PIBF1: variants seen among roughly 807,000 people sequenced by gnomAD.
PIBF1 encodes the protein progesterone immunomodulatory binding factor 1.
In PIBF1, 90 loss-of-function variants were observed where a neutral mutation model predicts 112.5. That is an observed-to-expected ratio of 0.80 (90% CI 0.67 to 0.95). PIBF1 has a LOEUF of 0.95. Among genes scored for constraint, PIBF1 ranks in the 40% least tolerant of loss-of-function variants. The pLI is 0.00. For synonymous variants in PIBF1, 301 were observed against 288.6 expected (o/e 1.04, Z -0.44); for missense variants, 915 against 852.3 (o/e 1.07, Z -0.92).
In PIBF1 at chr13:72,844,139, G is replaced by A. The variant is rs562512251; in HGVS notation, c.1223+8771G>A. 1.1e-4 allele frequency among the ~76,000 whole-genome samples: 16 copies of A among 152,222 alleles called. 1 individual carries two copies. The highest frequency in any genetic ancestry group is 2.1e-4 in the South Asian group (1 of 4,818). ...TTATGAAGTTTAGGTATTAATAACC[G>A]TATTTTACAAGTAAGGTAATTGAGA... On this transcript the variant is annotated intron_variant, in intron 9 of 17. Coordinates refer to ENST00000326291, the MANE Select transcript of PIBF1 (RefSeq NM_006346.4).
chr13:72,883,940 A>G (rs967589552), intron 10 of PIBF1, among the ~76,000 whole-genome samples: 24 of 72,508 alleles, frequency 3.3e-4, no homozygotes, highest in Non-Finnish European at 5.9e-4. Context: ...ATATACGTAC[A>G]CACATACATA....
rs144607058 is a variant in PIBF1, at chr13:72,802,109, C to G, written c.672+4083C>G. ...ATGTTATACTAAGGCTTCCAGTCAA[C>G]AGTAGGCTATCTGTAGTTAAGTTTT... On this transcript the variant is annotated intron_variant, in intron 5 of 17. Transcript: ENST00000326291. Among the ~76,000 whole-genome samples, 862 of 152,160 alleles carry G rather than the reference C, an allele frequency of 5.7e-3. 6 individuals carry two copies. Among genetic ancestry groups the G allele is most frequent in the Middle Eastern group, 0.014 (4 of 294 alleles).
intron 16 of PIBF1, among the ~76,000 whole-genome samples, chr13:72,983,857 TA>T (rs533486944): frequency 0.017 from 2,572 of 151,590 alleles, 204 homozygotes; most frequent in Admixed American, 0.15. Flanking sequence ...GTCAGCATGC[TA>T]AAAAAAAACT....
chr13:72,975,228 T>C (rs2042990728), intron 16 of PIBF1, among the ~76,000 whole-genome samples: 1 of 151,990 alleles, frequency 6.6e-6, no homozygotes, highest in Non-Finnish European at 1.5e-5. Flanking sequence ...CTAACTTTTG[T>C]GTTTTTAATA....
intron 10 of PIBF1, among the ~76,000 whole-genome samples, chr13:72,871,272 T>A (rs1337659028): frequency 2.0e-5 from 3 of 152,120 alleles, no homozygotes; most frequent in Non-Finnish European, 4.4e-5. Context: ...ATGTTTCTAG[T>A]CAAGTGGTGT....
intron 16 of PIBF1, among the ~76,000 whole-genome samples, chr13:72,993,513 G>GA (rs2043546800): frequency 6.6e-6 from 1 of 151,996 alleles, no homozygotes; most frequent in South Asian, 2.1e-4. Flanking sequence ...TCGCAAGAAA[G>GA]AAAATACCTA....
chr13:72,968,325 A>C (rs1285606603), intron 15 of PIBF1, among the ~76,000 whole-genome samples: 2 of 150,146 alleles, frequency 1.3e-5, no homozygotes, highest in Non-Finnish European at 3.0e-5. Flanking sequence ...TTTGAGACGG[A>C]GTTTCACTCT....
At chr13:72,918,122 C>T (rs147068570) in intron 13 of PIBF1, among the ~76,000 whole-genome samples, 80 of 152,264 alleles carry the variant, frequency 5.3e-4, no homozygotes, top group African/African-American at 1.9e-3. Flanking sequence ...AAACATCTCA[C>T]GGCCCCATTC....
At chr13:72,980,508 C>T (rs12429908) in intron 16 of PIBF1, among the ~76,000 whole-genome samples, 1 of 152,082 alleles carries the variant, frequency 6.6e-6, no homozygotes, top group East Asian at 1.9e-4. Context: ...TAATAAGATG[C>T]TAAAGGGCCG....
At position 72,856,630 on chromosome 13, in the gene PIBF1, A is replaced by C. The variant is rs141232255; in HGVS notation, c.1322+2475A>C. Among the ~76,000 whole-genome samples, 82 of 152,310 alleles carry C rather than the reference A, an allele frequency of 5.4e-4. No homozygotes were observed. The East Asian group carries it at 9.5e-3, about 18-fold the overall frequency. The stretch of plus-strand genomic sequence containing the variant: ...ATAATATCTGGGAATGTAAAACTCA[A>C]AATAAGCTTAGGCTTTAACAAAATG... On this transcript the variant is annotated intron_variant, in intron 10 of 17. Transcript: ENST00000326291.
At chr13:72,844,788 C>G (rs2037786308) in intron 9 of PIBF1, among the ~76,000 whole-genome samples, 1 of 128,876 alleles carries the variant, frequency 7.8e-6, no homozygotes, top group African/African-American at 2.8e-5. Context: ...CACACACACA[C>G]ACACACACAC....
intron 14 of PIBF1, among the ~76,000 whole-genome samples, chr13:72,958,586 C>T (rs970325614): frequency 2.3e-4 from 35 of 152,134 alleles, no homozygotes; most frequent in African/African-American, 8.0e-4. Context: ...ACACTAAGAT[C>T]CCACTGTCCG....
intron 16 of PIBF1, among the ~76,000 whole-genome samples, chr13:72,985,997 T>A (rs576571736): frequency 3.6e-4 from 55 of 151,410 alleles, no homozygotes; most frequent in South Asian, 2.1e-3. Context: ...GAAAAAAAAA[T>A]TTTTTAAAAT....
At chr13:72,871,958 C>T (rs1364507043) in intron 10 of PIBF1, among the ~76,000 whole-genome samples, 1 of 152,200 alleles carries the variant, frequency 6.6e-6, no homozygotes, top group Non-Finnish European at 1.5e-5. Flanking sequence ...CCTGTATCAC[C>T]ACTAACAGAT....
intron 5 of PIBF1, among the ~76,000 whole-genome samples, chr13:72,800,445 T>G (rs1418549872): frequency 2.0e-5 from 3 of 152,210 alleles, no homozygotes; most frequent in African/African-American, 7.2e-5. Flanking sequence ...CTGCTATTTA[T>G]TTGAGGAATT....
chr13:72,867,707 A>G (rs17282491), intron 10 of PIBF1, among the ~76,000 whole-genome samples: 33,130 of 152,166 alleles, frequency 0.22, 3,709 homozygotes, highest in Middle Eastern at 0.27. Context: ...AAGAAGATCC[A>G]TGTGTTTTAA....
chr13:72,870,400 A>G (rs1480671310), intron 10 of PIBF1, among the ~76,000 whole-genome samples: 2 of 152,182 alleles, frequency 1.3e-5, no homozygotes, highest in Non-Finnish European at 2.9e-5. Flanking sequence ...ATGGTTTCAG[A>G]TGAGAATCTG....
At chr13:72,988,766 G>A (rs1462258491) in intron 16 of PIBF1, among the ~76,000 whole-genome samples, 1 of 152,184 alleles carries the variant, frequency 6.6e-6, no homozygotes, top group East Asian at 1.9e-4. Flanking sequence ...GCTGGGCACA[G>A]TGGTTCACAC....
At chr13:72,807,271 T>G (rs2035786062) in intron 5 of PIBF1, among the ~76,000 whole-genome samples, 1 of 152,174 alleles carries the variant, frequency 6.6e-6, no homozygotes, top group South Asian at 2.1e-4. Context: ...ATTCATTATT[T>G]AACATTTTAA....
Sources: allele counts gnomAD v4.1 joint callset (sites outside exome capture counted in the v4.1 genomes callset), GRCh38; gene constraint gnomAD v4.1.1; transcripts MANE v1.5; gene names NCBI Gene and HGNC (gene_info 2026-07-23, HGNC 2026-07-21).